Variants in EMCN observed in about 807,000 individuals in gnomAD.
The protein encoded by EMCN is endomucin.
EMCN carries 37 observed loss-of-function variants against 38.4 expected under a neutral mutation model. That is an observed-to-expected ratio of 0.96 (90% CI 0.74 to 1.27). The LOEUF (loss-of-function observed/expected upper bound fraction) is 1.27. Ranked by LOEUF, EMCN falls within the 50% of genes most tolerant of loss-of-function variation. The pLI is 0.00. For synonymous variants in EMCN, 95 were observed against 100.8 expected, an observed-to-expected ratio of 0.94 and a Z score of 0.35; for missense variants, 318 against 302.8, an observed-to-expected ratio of 1.05 and a Z score of -0.37.
intron 4 of EMCN, among the ~76,000 whole-genome samples, chr4:100,461,885 A>G (rs1728187959): frequency 6.6e-6 from 1 of 152,190 alleles, no homozygotes; most frequent in South Asian, 2.1e-4. Context: ...TCAACATTTA[A>G]CCAACAGTAG....
chr4:100,493,352 TA>T (rs1387503157), intron 1 of EMCN, among the ~76,000 whole-genome samples: 1 of 152,190 alleles, frequency 6.6e-6, no homozygotes, highest in Non-Finnish European at 1.5e-5. Flanking sequence ...ATTATAGTTG[TA>T]AAACAAAAAG....
intron 4 of EMCN, among the ~76,000 whole-genome samples, chr4:100,456,656 C>G (rs1728025614): frequency 6.6e-6 from 1 of 151,898 alleles, no homozygotes; most frequent in Non-Finnish European, 1.5e-5. Flanking sequence ...AGATTAATTC[C>G]TCTTTGATCA....
At chr4:100,490,047 T>C (rs1337390908) in intron 1 of EMCN, among the ~76,000 whole-genome samples, 1 of 152,132 alleles carries the variant, frequency 6.6e-6, no homozygotes, top group African/African-American at 2.4e-5. Flanking sequence ...TGAATGTTAT[T>C]GCCCTTGAAG....
In EMCN at chr4:100,447,520, A is replaced by C; in HGVS notation, c.415+13T>G. The stretch of plus-strand genomic sequence containing the variant: ...GAAAATACTAAGAGAGAGACAGAGA[A>C]AAAAGAGCTTACCTGGTATTTCTGT... On this transcript the variant is annotated intron_variant, in intron 5 of 11. Coordinates refer to ENST00000296420, the MANE Select transcript of EMCN (RefSeq NM_016242.4). The C allele has an allele frequency of 6.3e-7, 1 of 1,594,054 alleles. No homozygotes were observed. Among genetic ancestry groups the C allele is most frequent in the Non-Finnish European group, 8.6e-7 (1 of 1,163,340 alleles).
rs774937405 is a variant in EMCN at position 100,517,785 on chromosome 4, C to G, written c.64+66G>C. On this transcript the variant is annotated intron_variant, in intron 1 of 11. Transcript: ENST00000296420. ...TCAGGGGAAGATCCCTGAAAGTAAA[C>G]TGAGGCTGAGTCACCTACTAGTGAT... is the stretch of plus-strand genomic sequence containing the variant. The G allele has an allele frequency of 8.8e-6, 13 of 1,474,472 alleles. No homozygotes were observed. In the African/African-American group the frequency reaches 9.7e-5, roughly 11 times the overall value. 91.3% of individuals were successfully genotyped at this position (1,474,472 alleles called of 1,614,324 possible).
intron 4 of EMCN, among the ~76,000 whole-genome samples, chr4:100,464,440 T>G (rs1393928352): frequency 6.6e-6 from 1 of 152,102 alleles, no homozygotes; most frequent in African/African-American, 2.4e-5. Context: ...TGAATAAAAC[T>G]GATAAGAACA....
At chr4:100,475,659 CTTTTTTTTTTTTTTTTTTTTTT>C (rs869169290) in intron 2 of EMCN, among the ~76,000 whole-genome samples, 2 of 60,314 alleles carry the variant, frequency 3.3e-5, no homozygotes, top group South Asian at 5.8e-4. Context: ...AATTCTAGTC[CTTTTTTTTTTTTTTTTTTTTTT>C]TTTTTTTTTT....
chr4:100,461,574 A>T (rs1728180196), intron 4 of EMCN, among the ~76,000 whole-genome samples: 1 of 152,178 alleles, frequency 6.6e-6, no homozygotes, highest in Admixed American at 6.5e-5. Flanking sequence ...ATTAATGAGA[A>T]GTTCTATCTT....
At chr4:100,477,563 T>A (rs1728695158) in intron 2 of EMCN, among the ~76,000 whole-genome samples, 2 of 152,238 alleles carry the variant, frequency 1.3e-5, no homozygotes, top group African/African-American at 4.8e-5. Context: ...ATGATAGAAT[T>A]TCTGCCATTG....
At chr4:100,503,249 G>A (rs904161223) in intron 1 of EMCN, among the ~76,000 whole-genome samples, 1 of 152,068 alleles carries the variant, frequency 6.6e-6, no homozygotes, top group African/African-American at 2.4e-5. Flanking sequence ...AAGGCCTACC[G>A]AAGTTTTGTA....
chr4:100,410,084 C>T (rs940183742), intron 11 of EMCN, among the ~76,000 whole-genome samples, 198 bp downstream of exon 11: 3 of 152,190 alleles, frequency 2.0e-5, no homozygotes, highest in Admixed American at 6.5e-5. Context: ...TTGGACAAAT[C>T]GTCTACAACC....
chr4:100,404,821 C>A (rs1726349224), intron 11 of EMCN, among the ~76,000 whole-genome samples: 1 of 151,990 alleles, frequency 6.6e-6, no homozygotes, highest in Non-Finnish European at 1.5e-5. Flanking sequence ...CCTTTTTTAA[C>A]AATATTGATT....
chr4:100,480,049 G>A lies in EMCN; in HGVS notation c.65-10C>T. 6.2e-7 allele frequency: 1 copy of A among 1,602,914 alleles called. No homozygotes were observed. The highest frequency in any genetic ancestry group is 8.5e-7 in the Non-Finnish European group (1 of 1,175,118). On this transcript the variant is annotated splice_polypyrimidine_tract_variant and intron_variant, in intron 1 of 11. Coordinates refer to ENST00000296420, the MANE Select transcript of EMCN (RefSeq NM_016242.4). ...GCTGCCTCTAAAACACCTGAAAAAAGTAAAGTAGTTGCATTAACATTTACA... is the reference window on the plus strand; with the variant it reads ...GCTGCCTCTAAAACACCTGAAAAAAATAAAGTAGTTGCATTAACATTTACA...
chr4:100,418,726 CT>C (rs373520167), intron 8 of EMCN, among the ~76,000 whole-genome samples: 1 of 152,074 alleles, frequency 6.6e-6, no homozygotes, highest in Non-Finnish European at 1.5e-5. Context: ...GGATCTCATT[CT>C]TTTTTGTGAC....
At chr4:100,474,626 C>G (rs958348801) in intron 3 of EMCN, among the ~76,000 whole-genome samples, 11 of 151,982 alleles carry the variant, frequency 7.2e-5, no homozygotes, top group Non-Finnish European at 1.0e-4. Flanking sequence ...AACGGATAAA[C>G]AAAATGTGGT....
Position 100,446,564 on chromosome 4 carries a change from A to T in EMCN, c.415+969T>A, listed in dbSNP as rs149783345. On this transcript the variant is annotated intron_variant, in intron 5 of 11. Transcript: ENST00000296420. The stretch of plus-strand genomic sequence containing the variant: ...TTTTATGAACCTATAGGTTTATTTC[A>T]TATTTTTAGTTTATTTATTTTCATT... Among the ~76,000 whole-genome samples, 230 of 152,100 alleles carry T rather than the reference A, an allele frequency of 1.5e-3. 1 individual carries two copies. The highest frequency in any genetic ancestry group is 2.6e-3 in the Non-Finnish European group (179 of 67,968).
intron 10 of EMCN, among the ~76,000 whole-genome samples, chr4:100,412,191 G>T (rs540365119): frequency 7.9e-5 from 12 of 152,284 alleles, no homozygotes; most frequent in Admixed American, 6.5e-4. Flanking sequence ...GGAAGGGAAT[G>T]AATGAAGTCG....
Position 100,415,897 on chromosome 4 carries a change from C to G in EMCN, c.751+1G>C. ...TCTAATCAACTTGTCTGGAAACTTA[C>G]CAGACTCATGAGAAATTGTCTTAAC... On this transcript the variant is annotated splice_donor_variant, in intron 10 of 11. Coordinates refer to ENST00000296420, the MANE Select transcript of EMCN (RefSeq NM_016242.4). LOFTEE classifies it high-confidence loss of function. 4.4e-6 allele frequency: 7 copies of G among 1,580,048 alleles called. No individual in the cohort carries two copies. The highest frequency in any genetic ancestry group is 5.2e-6 in the Non-Finnish European group (6 of 1,163,908).
chr4:100,444,312 C>CGGTA (rs1402585274), intron 5 of EMCN, among the ~76,000 whole-genome samples: 1 of 152,152 alleles, frequency 6.6e-6, no homozygotes, highest in Non-Finnish European at 1.5e-5. Context: ...CTGTGGGGTA[C>CGGTA]GGTACTACAT....
Sources: allele counts gnomAD v4.1 joint callset (sites outside exome capture counted in the v4.1 genomes callset), GRCh38; gene constraint gnomAD v4.1.1; transcripts MANE v1.5; gene names NCBI Gene and HGNC (gene_info 2026-07-23, HGNC 2026-07-21).